OR6B3: variants seen among roughly 807,000 people sequenced by gnomAD.
OR6B3 encodes the protein olfactory receptor 6B3.
For synonymous variants in OR6B3, 148 were observed against 187.8 expected (o/e 0.79, Z 1.73); for missense variants, 315 against 427.4 (o/e 0.74, Z 2.32).
At chr2:240,049,000 G>T (rs901293115), upstream of OR6B3, among the ~76,000 whole-genome samples, 5 of 152,206 alleles carry the variant, frequency 3.3e-5, no homozygotes, top group African/African-American at 1.2e-4. Context: ...AGGGGACATG[G>T]ATGGTGGGAG....
intron 1 of OR6B3, among the ~76,000 whole-genome samples, 191 bp downstream of exon 2, chr2:240,046,761 G>A (rs1487214744): frequency 1.3e-5 from 2 of 152,176 alleles, no homozygotes; most frequent in East Asian, 1.9e-4. Flanking sequence ...GATGGCAGCA[G>A]AGAGGAGGAA....
Position 240,045,854 on chromosome 2 carries a change from G to A in OR6B3, c.219C>T (p.Tyr73=), listed in dbSNP as rs184051729. 2.2e-5 allele frequency: 35 copies of A among 1,612,456 alleles called. No homozygotes were observed. The East Asian group carries it at 3.3e-4, about 15-fold the overall frequency. The change falls in exon 2 of 2, where the codon TAC becomes TAT. Residue 73 remains tyrosine, a synonymous_variant. Transcript: ENST00000641019. The stretch of plus-strand genomic sequence containing the variant: ...GCATCTTGGGGGTGATGTCAGACAC[G>A]TACCAGATCTCTAGGAAAGACATGG...
chr2:240,045,847 C>T, exon 2 of OR6B3: 2 of 1,612,442 alleles, frequency 1.2e-6, no homozygotes, highest in Non-Finnish European at 1.7e-6. Flanking sequence ...GGGGTGATGT[C>T]AGACACGTAC....
chr2:240,047,214 T>C (rs1308186240), upstream of OR6B3, among the ~76,000 whole-genome samples: 2 of 152,210 alleles, frequency 1.3e-5, no homozygotes, highest in African/African-American at 2.4e-5. Context: ...TACAGGGATA[T>C]AGGGCATAGG....
At chr2:240,052,937 G>A in the OR6B3 span, among the ~76,000 whole-genome samples, 2 of 152,020 alleles carry the variant, frequency 1.3e-5, no homozygotes, top group Non-Finnish European at 2.9e-5. The surrounding 1 kb of genome is among the most constrained non-coding windows in gnomAD (Gnocchi z 4.5). Flanking sequence ...TCAGCCTCCC[G>A]TGTAGCTGGG....
At position 240,045,522 on chromosome 2, in the gene OR6B3, A is replaced by T. The variant is rs746713088; in HGVS notation, c.551T>A (p.Ile184Asn). Residue 184 changes from isoleucine (I) to asparagine (N), a missense_variant, in exon 2 of 2, where the codon ATC (isoleucine) becomes AAC (asparagine). Ile to Asn is a moderately radical substitution (Grantham distance 149). Coordinates refer to ENST00000641019, the Ensembl canonical transcript of OR6B3. ...GAAGTCCGTGCAGGCCAGCTTGAGG[A>T]TGGGGGAAATGTCACAGAAGAAGTG... 20 of 1,605,650 alleles carry T rather than the reference A, an allele frequency of 1.2e-5. No individual in the cohort carries two copies. In the Admixed American group the frequency reaches 2.8e-4, roughly 23 times the overall value.
At chr2:240,053,398 C>T in the OR6B3 span, among the ~76,000 whole-genome samples, 1 of 152,338 alleles carries the variant, frequency 6.6e-6, no homozygotes, top group East Asian at 1.9e-4. This position sits in a 1 kb window ranked among gnomAD's most constrained non-coding sequence, Gnocchi z 4.1. Flanking sequence ...GTGCAAGATG[C>T]ACCCTGCTCG....
intron 1 of OR6B3, among the ~76,000 whole-genome samples, chr2:240,046,445 CA>C (rs763266071): frequency 6.6e-6 from 1 of 152,188 alleles, no homozygotes; most frequent in East Asian, 1.9e-4. Context: ...CGGTGTCCTC[CA>C]GGGGATGAGC....
chr2:240,048,226 A>G (rs2106527715), upstream of OR6B3, among the ~76,000 whole-genome samples: 1 of 152,178 alleles, frequency 6.6e-6, no homozygotes, highest in East Asian at 1.9e-4. Context: ...CACCGATTAA[A>G]CACAAAATGA....
exon 2 of OR6B3, chr2:240,045,415 G>A (rs1698168655): frequency 1.2e-6 from 2 of 1,614,194 alleles, no homozygotes; most frequent in Non-Finnish European, 1.7e-6. Context: ...AGGGTGATGT[G>A]CGCATATGAC....
chr2:240,045,306 A>T, exon 2 of OR6B3: 1 of 1,614,236 alleles, frequency 6.2e-7, no homozygotes. Context: ...ATACATGAAA[A>T]GCAAGGCTGT....
chr2:240,048,783 T>A (rs570545505), upstream of OR6B3, among the ~76,000 whole-genome samples: 44 of 152,330 alleles, frequency 2.9e-4, no homozygotes, highest in African/African-American at 1.0e-3. Flanking sequence ...CTCTCTCCTC[T>A]TAGTCCTTAA....
chr2:240,045,507 C>G, exon 2 of OR6B3: 1 of 1,613,512 alleles, frequency 6.2e-7, no homozygotes, highest in Non-Finnish European at 8.5e-7. Context: ...GAAGTCCGTG[C>G]AGGCCAGCTT....
At chr2:240,048,632 C>T (rs924133827), upstream of OR6B3, among the ~76,000 whole-genome samples, 2 of 152,094 alleles carry the variant, frequency 1.3e-5, no homozygotes, top group Admixed American at 6.5e-5. Context: ...AGAAACTCCA[C>T]AAGCCGTAGG....
chr2:240,047,502 A>C (rs1377356797), upstream of OR6B3, among the ~76,000 whole-genome samples: 1 of 152,250 alleles, frequency 6.6e-6, no homozygotes, highest in Non-Finnish European at 1.5e-5. Context: ...CCGTGAAGGT[A>C]CAAGGTGGTG....
rs763390860 is a variant in OR6B3, at chr2:240,045,455, G to T, written c.618C>A (p.Ile206=). The change falls in exon 2 of 2, where the codon ATC becomes ATA. Residue 206 remains isoleucine (I), a synonymous_variant. Transcript: ENST00000641019. ...TGGTGGCCAGGAGTGGAAACACCAG[G>T]ATGATGAAGGCCAGAATGAAATCCA... 31 of 1,614,244 alleles carry T rather than the reference G, an allele frequency of 1.9e-5. 2 individuals carry two copies. The South Asian group carries it at 3.3e-4, about 17-fold the overall frequency.
intron 1 of OR6B3, 53 bp from the exon 3 acceptor site, chr2:240,046,150 G>T: frequency 2.3e-6 from 3 of 1,294,042 alleles, no homozygotes; most frequent in East Asian, 2.4e-5. Flanking sequence ...CTGGGGCAGA[G>T]GGAGAGTGGA....
chr2:240,047,618 G>A (rs1259139401), upstream of OR6B3, among the ~76,000 whole-genome samples: 1 of 152,148 alleles, frequency 6.6e-6, no homozygotes, highest in East Asian at 1.9e-4. Context: ...TGTTTCACGT[G>A]AGTATATTAT....
the OR6B3 span, among the ~76,000 whole-genome samples, chr2:240,053,187 G>T: frequency 2.0e-5 from 3 of 152,174 alleles, no homozygotes; most frequent in Non-Finnish European, 2.9e-5. The surrounding 1 kb of genome is among the most constrained non-coding windows in gnomAD (Gnocchi z 4.1). Flanking sequence ...TTCCTCACAC[G>T]CCTGTATATT....
Sources: allele counts gnomAD v4.1 joint callset (sites outside exome capture counted in the v4.1 genomes callset), GRCh38; gene constraint gnomAD v4.1.1; non-coding constraint Gnocchi (gnomAD v3.1); transcripts MANE v1.5; gene names NCBI Gene and HGNC (gene_info 2026-07-23, HGNC 2026-07-21).